The following STK31 variants were observed in gnomAD, a reference collection of about 807,000 sequenced individuals.
STK31 encodes the protein serine/threonine kinase 31, also known as serine/threonine-protein kinase 31.
A neutral mutation model predicts 129.7 loss-of-function variants in STK31; 89 were observed. The observed-to-expected ratio is 0.69, with a 90% CI of 0.58 to 0.82. The LOEUF is 0.82. Among genes scored for constraint, STK31 ranks in the 40% least tolerant of loss-of-function variants. The probability of loss-of-function intolerance (pLI) is 0.00; values close to 1 mark genes in which losing one functional copy is unlikely to be tolerated. For missense variants in STK31, 1,187 were observed against 1,176.4 expected (o/e 1.01, Z -0.13); for synonymous variants, 448 against 395.3 (o/e 1.13, Z -1.58).
chr7:23,720,251 AAAAC>A (rs1172709361), intron 4 of STK31, among the ~76,000 whole-genome samples: 1 of 152,216 alleles, frequency 6.6e-6, no homozygotes, highest in Non-Finnish European at 1.5e-5. Context: ...CAGGATTTTG[AAAAC>A]AAACAATTTC....
intron 22 of STK31, among the ~76,000 whole-genome samples, chr7:23,808,150 A>AATATATAT (rs569815420): frequency 3.7e-4 from 48 of 130,808 alleles, no homozygotes; most frequent in African/African-American, 1.2e-3. Flanking sequence ...AATCCTTTTT[A>AATATATAT]ATATATATAT....
intron 15 of STK31, among the ~76,000 whole-genome samples, chr7:23,774,415 C>T (rs371530288): frequency 5.1e-4 from 77 of 152,296 alleles, no homozygotes; most frequent in African/African-American, 1.6e-3. Context: ...AAAAGTGTTC[C>T]TATTTCTCCA....
At chr7:23,772,762 A>G (rs1790281657) in intron 15 of STK31, among the ~76,000 whole-genome samples, 1 of 152,102 alleles carries the variant, frequency 6.6e-6, no homozygotes, top group South Asian at 2.1e-4. Flanking sequence ...ACTGGAGAGG[A>G]TTAGGATGCC....
At chr7:23,818,619 TAAAAAAA>T (rs70939858) in intron 23 of STK31, among the ~76,000 whole-genome samples, 99 of 148,734 alleles carry the variant, frequency 6.7e-4, no homozygotes, top group African/African-American at 2.4e-3. Context: ...TTTGTTTTGT[TAAAAAAA>T]AAAACAACAA....
intron 15 of STK31, 78 bp downstream of exon 15, chr7:23,772,356 T>C: frequency 7.1e-7 from 1 of 1,411,790 alleles, no homozygotes. Flanking sequence ...AAATAATGCA[T>C]AAATACACTC....
intron 23 of STK31, among the ~76,000 whole-genome samples, chr7:23,828,579 A>T (rs559145056): frequency 1.1e-3 from 167 of 152,284 alleles, no homozygotes; most frequent in South Asian, 1.9e-3. Flanking sequence ...CAGCTCACGC[A>T]TGGTGCGCTG....
At position 23,729,075 on chromosome 7, in the gene STK31, C is replaced by T; in HGVS notation, c.325-16C>T. ...ATCTGGGGTCAGTATTCGTATTTGT[C>T]TCTTATTTTTTCCAGTGTCTGGTGA... On this transcript the variant is annotated splice_polypyrimidine_tract_variant and intron_variant, in intron 5 of 23. Transcript: ENST00000355870. 2 of 1,579,186 alleles carry T rather than the reference C, an allele frequency of 1.3e-6. No individual in the cohort carries two copies. Among genetic ancestry groups the T allele is most frequent in the African/African-American group, 1.4e-5 (1 of 72,874 alleles).
chr7:23,814,172 G>A (rs1381358729), intron 22 of STK31, among the ~76,000 whole-genome samples: 2 of 19,202 alleles, frequency 1.0e-4, no homozygotes, highest in African/African-American at 6.2e-4. Context: ...TTTCAGTTGG[G>A]AGGGTTATAA....
At chr7:23,718,838 C>G (rs1786512272) in intron 4 of STK31, among the ~76,000 whole-genome samples, 1 of 152,002 alleles carries the variant, frequency 6.6e-6, no homozygotes, top group South Asian at 2.1e-4. Context: ...GATGTATTGA[C>G]TCATTTCTTT....
intron 23 of STK31, among the ~76,000 whole-genome samples, chr7:23,820,780 C>CT (rs1370958553): frequency 2.0e-5 from 3 of 152,218 alleles, no homozygotes; most frequent in African/African-American, 7.2e-5. Flanking sequence ...TGATATTTGT[C>CT]TTTCTGTGCC....
intron 8 of STK31, among the ~76,000 whole-genome samples, chr7:23,752,025 G>GATGAA (rs1433555108): frequency 2.0e-5 from 3 of 152,046 alleles, no homozygotes; most frequent in Non-Finnish European, 4.4e-5. Flanking sequence ...AATTAGGAAA[G>GATGAA]ATGAAAAAGT....
chr7:23,763,257 A>G (rs1023542356), intron 11 of STK31, among the ~76,000 whole-genome samples: 2 of 152,174 alleles, frequency 1.3e-5, no homozygotes, highest in Non-Finnish European at 2.9e-5. Context: ...CACATGTTAC[A>G]GGGAGAAGGG....
chr7:23,808,181 C>A (rs1431519630), intron 22 of STK31, among the ~76,000 whole-genome samples: 1 of 144,342 alleles, frequency 6.9e-6, no homozygotes, highest in African/African-American at 2.6e-5. Flanking sequence ...TTTTTGTAGG[C>A]AGCCACCCTG....
chr7:23,791,396 C>G (rs1383503565), intron 22 of STK31: 1 of 697,642 alleles, frequency 1.4e-6, no homozygotes, highest in African/African-American at 1.9e-5. Flanking sequence ...ACTGCATGTT[C>G]TCACTTATAA....
At chr7:23,750,067 T>TCCCTCCCCC (rs1491409499) in intron 8 of STK31, among the ~76,000 whole-genome samples, 1 of 90,554 alleles carries the variant, frequency 1.1e-5, no homozygotes, top group Non-Finnish European at 2.3e-5. Context: ...ATGGTTTGTT[T>TCCCTCCCCC]CCCCCCCCGC....
At chr7:23,717,979 T>A (rs1218977082) in intron 4 of STK31, among the ~76,000 whole-genome samples, 2 of 152,070 alleles carry the variant, frequency 1.3e-5, no homozygotes, top group Non-Finnish European at 2.9e-5. Context: ...AGTTTCAGTT[T>A]TACAACATGA....
Position 23,752,737 on chromosome 7 carries a change from G to A in STK31, c.1038G>A (p.Val346=), listed in dbSNP as rs749449182. The change falls in exon 9 of 24, where the codon GTG becomes GTA. Residue 346 remains valine, a synonymous_variant. Coordinates refer to ENST00000355870, the MANE Select transcript of STK31 (RefSeq NM_031414.5). The stretch of plus-strand genomic sequence containing the variant: ...TTCAGCAAGAGAAGGCAGCTGCTGT[G>A]GATTTGACTAACCACTTAGAATACA... ...QELQQEKAAA[V]DLTNHLEYTL... 3.3e-5 allele frequency: 54 copies of A among 1,613,180 alleles called. No homozygotes were observed. Among genetic ancestry groups the A allele is most frequent in the Non-Finnish European group, 4.5e-5 (53 of 1,179,514 alleles).
In STK31 at chr7:23,715,176, T is replaced by A. The variant is rs139605836; in HGVS notation, c.151-2305T>A. On this transcript the variant is annotated intron_variant, in intron 3 of 23. Transcript: ENST00000355870. Reference sequence around the variant, plus strand: ...GATTTGGAAATACGCGTAGGCAGATTAGGATGAAAATCTGCTCACGTGTAT... The same window carrying A: ...GATTTGGAAATACGCGTAGGCAGATAAGGATGAAAATCTGCTCACGTGTAT... Among the ~76,000 whole-genome samples the A allele has an allele frequency of 1.8e-3, 274 of 150,986 alleles. 1 individual carries two copies. The highest frequency in any genetic ancestry group is 6.5e-3 in the African/African-American group (265 of 41,014).
chr7:23,783,673 G>T lies in STK31; in HGVS notation c.2148+10G>T. On this transcript the variant is annotated intron_variant, in intron 17 of 23. Coordinates refer to ENST00000355870, the MANE Select transcript of STK31 (RefSeq NM_031414.5). ...ATTACTCAAATACATGGTAAACTTT[G>T]TTTCCCTTGCGAATTACTACTCTTC... The T allele has an allele frequency of 6.2e-7, 1 of 1,604,140 alleles. No homozygotes were observed. The highest frequency in any genetic ancestry group is 8.5e-7 in the Non-Finnish European group (1 of 1,175,406).
Sources: gnomAD v4.1 joint callset for allele counts (sites outside exome capture counted in the v4.1 genomes callset) on GRCh38, gnomAD v4.1.1 for gene constraint, MANE v1.5 for transcripts, NCBI Gene and HGNC (gene_info 2026-07-23, HGNC 2026-07-21) for gene names.